The following TMEM41B variants were observed in gnomAD, a reference collection of about 807,000 sequenced individuals.
The protein encoded by TMEM41B is transmembrane protein 41B.
TMEM41B carries 18 observed loss-of-function variants against 31.9 expected under a neutral mutation model. The observed-to-expected ratio is 0.56, with a 90% CI of 0.39 to 0.84. TMEM41B has a LOEUF of 0.84. Ranked by LOEUF, TMEM41B falls within the 40% of genes least tolerant of loss-of-function variation. The probability of loss-of-function intolerance (pLI) is 0.00; values close to 1 mark genes in which losing one functional copy is unlikely to be tolerated. For missense variants in TMEM41B, 322 were observed against 348.0 expected (o/e 0.93, Z 0.59); for synonymous variants, 144 against 124.3 (o/e 1.16, Z -1.05).
chr11:9,294,685 G>T (rs757772263), intron 3 of TMEM41B, among the ~76,000 whole-genome samples: 1 of 151,854 alleles, frequency 6.6e-6, no homozygotes, highest in Admixed American at 6.6e-5. Flanking sequence ...TTGAAATAAA[G>T]CTATTTTCCT....
chr11:9,284,622 G>A (rs1457364375), intron 6 of TMEM41B, among the ~76,000 whole-genome samples: 1 of 151,994 alleles, frequency 6.6e-6, no homozygotes, highest in Non-Finnish European at 1.5e-5. Flanking sequence ...AATTAGCTGG[G>A]TGTGTTGGCG....
At chr11:9,295,129 C>T in intron 3 of TMEM41B, 130 bp downstream of exon 3, 1 of 1,087,284 alleles carries the variant, frequency 9.2e-7, no homozygotes, top group East Asian at 3.2e-5. Context: ...TTTAATTTTT[C>T]AATTATTTAA....
At chr11:9,308,172 C>T (rs1052068210) in intron 1 of TMEM41B, among the ~76,000 whole-genome samples, 1 of 152,056 alleles carries the variant, frequency 6.6e-6, no homozygotes, top group African/African-American at 2.4e-5. Context: ...CATGGTAAAA[C>T]CCTCTACTAA....
chr11:9,311,195 C>A, intron 1 of TMEM41B: 1 of 1,404,112 alleles, frequency 7.1e-7, no homozygotes, highest in East Asian at 3.4e-5. Flanking sequence ...ACAAGGGCTA[C>A]TTTCCCCCAA....
chr11:9,300,489 A>G (rs1853222450), intron 1 of TMEM41B, among the ~76,000 whole-genome samples: 1 of 152,198 alleles, frequency 6.6e-6, no homozygotes. Context: ...CGGAATATAA[A>G]CTTGAATCTC....
intron 1 of TMEM41B, among the ~76,000 whole-genome samples, chr11:9,304,190 G>A (rs181117423): frequency 6.6e-6 from 1 of 152,094 alleles, no homozygotes. Context: ...TTGGAACACA[G>A]AGAATTAAAA....
intron 1 of TMEM41B, among the ~76,000 whole-genome samples, chr11:9,310,655 C>CT (rs36061977): frequency 0.016 from 1,732 of 109,088 alleles, 46 homozygotes; most frequent in African/African-American, 0.056. Flanking sequence ...GTTAAGAGCC[C>CT]TTTTTTTTTT....
In TMEM41B at chr11:9,288,097, C is replaced by G. The variant is rs1050651595; in HGVS notation, c.463-291G>C. ...AATTTCAGGAGCCAATTTCCACCTC[C>G]CCCCGACCCTACCCCCGACCCCCCC... On this transcript the variant is annotated intron_variant, in intron 4 of 6. Transcript: ENST00000528080. 5 of 396,994 alleles carry G rather than the reference C, an allele frequency of 1.3e-5. 1 individual carries two copies. Among genetic ancestry groups the G allele is most frequent in the Non-Finnish European group, 1.3e-5 (3 of 229,536 alleles). 24.6% of individuals were successfully genotyped at this position (396,994 alleles called of 1,614,324 possible).
Position 9,295,344 on chromosome 11 carries a change from C to T in TMEM41B, c.283G>A (p.Ala95Thr), listed in dbSNP as rs748310949. The T allele has an allele frequency of 6.2e-7, 1 of 1,600,480 alleles. No homozygotes were observed. The highest frequency in any genetic ancestry group is 1.7e-5 in the Admixed American group (1 of 58,028). ...GATAAAACTTTTCCTAGAGCCTTGG[C>T]ATCATCCATATCTCTGGGAACCTTC... Reference protein sequence around the residue: ...NMKVPRDMDDAKALGKVLSKY... With the variant: ...NMKVPRDMDDTKALGKVLSKY... Residue 95 changes from alanine (A) to threonine (T), a missense_variant, in exon 3 of 7, where the codon GCC becomes ACC. Ala to Thr is a moderately conservative substitution (Grantham distance 58). Coordinates refer to ENST00000528080, the MANE Select transcript of TMEM41B (RefSeq NM_015012.4).
At chr11:9,304,059 AG>A (rs1323179068) in intron 1 of TMEM41B, among the ~76,000 whole-genome samples, 8 of 152,346 alleles carry the variant, frequency 5.3e-5, no homozygotes, top group Admixed American at 2.6e-4. Flanking sequence ...AATTTACTGC[AG>A]GAAGGAAGAG....
chr11:9,299,520 G>C (rs1853194019), intron 2 of TMEM41B, 64 bp downstream of exon 2: 1 of 1,135,190 alleles, frequency 8.8e-7, no homozygotes, highest in African/African-American at 1.6e-5. Flanking sequence ...ACTGCACTTG[G>C]CCTTAATCCA....
chr11:9,314,565 C>A lies in TMEM41B; in HGVS notation c.-124G>T. On this transcript the variant is annotated 5_prime_UTR_variant, in exon 1 of 7. Transcript: ENST00000528080. ...CCACTTCCGGCGCGACCTCCTCACC[C>A]GAGACGACCTCAGCCCAGCGAGTAC... 1 of 1,357,946 alleles carries A rather than the reference C, an allele frequency of 7.4e-7. No individual in the cohort carries two copies. Among genetic ancestry groups the A allele is most frequent in the South Asian group, 1.5e-5 (1 of 67,996 alleles). The allele number at this position is 1,357,946 out of a possible 1,614,324, so 84.1% of individuals were successfully genotyped here. A position where few individuals can be genotyped will look rare whatever the true frequency, so the allele number is the denominator to read the frequency against.
rs192069349 is a variant in TMEM41B, at chr11:9,310,277, G to A, written c.121+4044C>T. Among the ~76,000 whole-genome samples, 1,359 of 151,546 alleles carry A rather than the reference G, an allele frequency of 9.0e-3. 15 individuals carry two copies. Among genetic ancestry groups the A allele is most frequent in the African/African-American group, 0.031 (1,289 of 41,334 alleles). On this transcript the variant is annotated intron_variant, in intron 1 of 6. Coordinates refer to ENST00000528080, the MANE Select transcript of TMEM41B (RefSeq NM_015012.4). The stretch of plus-strand genomic sequence containing the variant: ...TCTTGAACTCCTGACCTCATGTTCC[G>A]CCCGCCTCGGCCTCCCAAAGTGCTG...
intron 1 of TMEM41B, among the ~76,000 whole-genome samples, chr11:9,307,476 C>G (rs567305999): frequency 4.2e-4 from 62 of 148,768 alleles, no homozygotes; most frequent in African/African-American, 1.5e-3. Flanking sequence ...TCGAGTTTCT[C>G]TTGTTGCCCA....
intron 6 of TMEM41B, among the ~76,000 whole-genome samples, chr11:9,285,088 CTTTT>C (rs11405419): frequency 2.3e-5 from 3 of 131,194 alleles, no homozygotes; most frequent in Admixed American, 8.1e-5. Context: ...TTCCTTCTTT[CTTTT>C]TTTTTTTTTT....
At chr11:9,296,384 G>T (rs148290200) in intron 2 of TMEM41B, among the ~76,000 whole-genome samples, 8,894 of 151,810 alleles carry the variant, frequency 0.059, 353 homozygotes, top group South Asian at 0.099. Context: ...CCAGCACTTT[G>T]GGAAGCCGAG....
chr11:9,310,061 A>G (rs1853519850), intron 1 of TMEM41B, among the ~76,000 whole-genome samples: 1 of 147,884 alleles, frequency 6.8e-6, no homozygotes, highest in Non-Finnish European at 1.5e-5. Flanking sequence ...TTTGAGATGG[A>G]GTCTCACTCT....
At chr11:9,312,346 CAAAT>C (rs1564970363) in intron 1 of TMEM41B, among the ~76,000 whole-genome samples, 1 of 152,144 alleles carries the variant, frequency 6.6e-6, no homozygotes, top group Non-Finnish European at 1.5e-5. Flanking sequence ...CTACAAAAAA[CAAAT>C]AATTAGCTGA....
At chr11:9,284,254 T>TAAA (rs2133607054) in intron 6 of TMEM41B, among the ~76,000 whole-genome samples, 1 of 151,798 alleles carries the variant, frequency 6.6e-6, no homozygotes, top group East Asian at 1.9e-4. Context: ...CAGGTGATTG[T>TAAA]CCCACCTCAG....
Sources: allele counts gnomAD v4.1 joint callset (sites outside exome capture counted in the v4.1 genomes callset), GRCh38; gene constraint gnomAD v4.1.1; transcripts MANE v1.5; gene names NCBI Gene and HGNC (gene_info 2026-07-23, HGNC 2026-07-21).